PLOD1: variants seen among roughly 807,000 people sequenced by gnomAD.
PLOD1 encodes the protein lysine hydroxylase.
PLOD1 carries 70 observed loss-of-function variants against 94.7 expected under a neutral mutation model. The ratio of observed to expected loss-of-function variants is 0.74; its 90% CI spans 0.61 to 0.90. The LOEUF (loss-of-function observed/expected upper bound fraction) is 0.90, where lower values mean the gene tolerates loss of function less well. Among genes scored for constraint, PLOD1 ranks in the 40% least tolerant of loss-of-function variants. The pLI, the probability that PLOD1 is intolerant of heterozygous loss-of-function variation, is 0.00. For synonymous variants in PLOD1, 417 were observed against 400.2 expected (o/e 1.04, Z -0.50); for missense variants, 905 against 972.7 (o/e 0.93, Z 0.93).
intron 4 of PLOD1, 149 bp from the exon 5 acceptor site, chr1:11,952,474 T>A: frequency 1.4e-6 from 1 of 690,244 alleles, no homozygotes; most frequent in East Asian, 2.8e-5. Context: ...CAGCCCCACC[T>A]CCTGTCAATT....
At chr1:11,970,007 G>T (rs1281188256) in intron 16 of PLOD1, among the ~76,000 whole-genome samples, 1 of 151,634 alleles carries the variant, frequency 6.6e-6, no homozygotes, top group Admixed American at 6.6e-5. Flanking sequence ...TTGGGAGGCC[G>T]AGGTGGGCAG....
chr1:11,975,248 G>C lies in PLOD1; in HGVS notation c.*440G>C, dbSNP rs11553681. The C allele has an allele frequency of 0.023, 6,244 of 272,548 alleles. 228 individuals carry two copies. The highest frequency in any genetic ancestry group is 0.093 in the African/African-American group (4,243 of 45,578). 16.9% of individuals were successfully genotyped at this position (272,548 alleles called of 1,614,324 possible). On this transcript the variant is annotated 3_prime_UTR_variant, in exon 19 of 19. Coordinates refer to ENST00000196061, the MANE Select transcript of PLOD1 (RefSeq NM_000302.4). ...GTTGCACCAGGGACTTCTGCTTCAAGTTTTGGGGTAAAGACACCTGGATCA... is the reference window on the plus strand; with the variant it reads ...GTTGCACCAGGGACTTCTGCTTCAACTTTTGGGGTAAAGACACCTGGATCA...
intron 4 of PLOD1, among the ~76,000 whole-genome samples, chr1:11,952,214 C>A (rs769076717): frequency 1.3e-5 from 2 of 152,348 alleles, no homozygotes; most frequent in African/African-American, 2.4e-5. Flanking sequence ...GCCCCCAAGG[C>A]ACTCTGTGAG....
chr1:11,950,570 C>T, intron 4 of PLOD1, 50 bp downstream of exon 4: 3 of 1,573,302 alleles, frequency 1.9e-6, no homozygotes, highest in Non-Finnish European at 2.6e-6. Flanking sequence ...GGTCCATCTA[C>T]TGCCTTTGTG....
Position 11,972,705 on chromosome 1 carries a change from T to C in PLOD1, c.1903-167T>C. 2 of 653,124 alleles carry C rather than the reference T, an allele frequency of 3.1e-6. No homozygotes were observed. The highest frequency in any genetic ancestry group is 2.8e-5 in the East Asian group (1 of 35,716). 40.5% of individuals were successfully genotyped at this position (653,124 alleles called of 1,614,324 possible). On this transcript the variant is annotated intron_variant, in intron 17 of 18. Transcript: ENST00000196061. The surrounding 1 kb of genome is among the most constrained non-coding windows in gnomAD (Gnocchi z 4.6). ...ATACATTTTTGTTGAGAACCTTTTC[T>C]GTGCCAGGTAGTTGCAGGCACTCGA... is the stretch of plus-strand genomic sequence containing the variant.
At chr1:11,968,047 A>G (rs1373317753) in intron 16 of PLOD1, among the ~76,000 whole-genome samples, 1 of 151,298 alleles carries the variant, frequency 6.6e-6, no homozygotes, top group Non-Finnish European at 1.5e-5. Context: ...TTCCTTTCCC[A>G]AGTTCAAGCA....
At chr1:11,947,463 G>T (rs1251732591) in intron 1 of PLOD1, among the ~76,000 whole-genome samples, 2 of 151,836 alleles carry the variant, frequency 1.3e-5, no homozygotes, top group African/African-American at 4.8e-5. Context: ...CCAGCTACTT[G>T]GGAGGCTGAG....
chr1:11,948,610 A>T (rs1376661580), intron 2 of PLOD1, among the ~76,000 whole-genome samples: 5 of 152,056 alleles, frequency 3.3e-5, no homozygotes, highest in Non-Finnish European at 7.4e-5. Flanking sequence ...CGCACCTGTA[A>T]TCCCAGCTGC....
intron 1 of PLOD1, 31 bp downstream of exon 1, chr1:11,934,886 C>A: frequency 6.5e-7 from 1 of 1,529,414 alleles, no homozygotes; most frequent in South Asian, 1.2e-5. Flanking sequence ...GGCGGGAGCG[C>A]GGATCCGGGC....
intron 16 of PLOD1, among the ~76,000 whole-genome samples, chr1:11,968,636 C>G (rs1268158537): frequency 6.6e-5 from 10 of 150,742 alleles, no homozygotes; most frequent in African/African-American, 2.4e-4. Flanking sequence ...GCCTCAGCCT[C>G]CCGAGTAGCT....
chr1:11,934,899 G>A, intron 1 of PLOD1, 44 bp downstream of exon 1: 1 of 1,526,566 alleles, frequency 6.6e-7, no homozygotes, highest in Non-Finnish European at 8.8e-7. Flanking sequence ...ATCCGGGCGG[G>A]AGGGCTGGTG....
At chr1:11,964,893 G>A in intron 13 of PLOD1, 108 bp downstream of exon 13, 1 of 1,207,178 alleles carries the variant, frequency 8.3e-7, no homozygotes, top group Non-Finnish European at 1.2e-6. Context: ...GTAGGCCTGG[G>A]AGCTCCAGAG....
At chr1:11,945,141 C>T (rs959286734) in intron 1 of PLOD1, among the ~76,000 whole-genome samples, 1 of 152,128 alleles carries the variant, frequency 6.6e-6, no homozygotes, top group East Asian at 1.9e-4. Flanking sequence ...AGACACAGGC[C>T]GGGTGTGGTG....
intron 1 of PLOD1, among the ~76,000 whole-genome samples, chr1:11,942,663 C>T (rs1195371808): frequency 6.6e-6 from 1 of 152,182 alleles, no homozygotes; most frequent in Non-Finnish European, 1.5e-5. Context: ...CTTCAGTTCT[C>T]TTGTTGTGAA....
intron 2 of PLOD1, among the ~76,000 whole-genome samples, chr1:11,948,925 T>C (rs1645676858): frequency 6.6e-6 from 1 of 152,126 alleles, no homozygotes; most frequent in Non-Finnish European, 1.5e-5. Flanking sequence ...GAACATGTCA[T>C]TGCTTACACA....
rs758701213 is a variant in PLOD1, at chr1:11,965,587, C to A, written c.1578C>A (p.Asn526Lys). The A allele has an allele frequency of 2.5e-6, 4 of 1,605,774 alleles. No individual in the cohort carries two copies. Among genetic ancestry groups the A allele is most frequent in the Non-Finnish European group, 1.7e-6 (2 of 1,172,738 alleles). Reference sequence around the variant, plus strand: ...ACGACCTCTGGGAGGTGTTCAGCAACCCCGAGGTGAGGCCAGGGTGGGCAC... The same window carrying A: ...ACGACCTCTGGGAGGTGTTCAGCAAACCCGAGGTGAGGCCAGGGTGGGCAC... ...LHNDLWEVFSNPEDWKEKYIH... is the reference protein window; with the variant it reads ...LHNDLWEVFSKPEDWKEKYIH... The change falls in exon 14 of 19, where the codon AAC (asparagine) becomes AAA (lysine). Residue 526 changes from asparagine (N) to lysine (K), a missense_variant. Asn to Lys is a moderately conservative substitution (Grantham distance 94). Transcript: ENST00000196061.
intron 11 of PLOD1, 114 bp from the exon 12 acceptor site, chr1:11,964,061 T>C: frequency 9.1e-7 from 1 of 1,094,392 alleles, no homozygotes; most frequent in Non-Finnish European, 1.4e-6. Flanking sequence ...AGTGAGGTGC[T>C]TGGGGATCCC....
chr1:11,949,949 G>A, intron 3 of PLOD1, 43 bp downstream of exon 3: 4 of 1,602,400 alleles, frequency 2.5e-6, no homozygotes, highest in South Asian at 1.1e-5. Flanking sequence ...CTCCGCGGAA[G>A]ATAGAAGAAT....
In PLOD1 at chr1:11,958,646, A is replaced by T; in HGVS notation, c.974A>T (p.His325Leu). 1 of 1,613,972 alleles carries T rather than the reference A, an allele frequency of 6.2e-7. No homozygotes were observed. The highest frequency in any genetic ancestry group is 1.1e-5 in the South Asian group (1 of 91,064). ...CACATGCGACTTTTCATCCACAACC[A>T]CGTGAGTAACAGGCGCTCTGTGGGG... is the stretch of plus-strand genomic sequence containing the variant. ...QKHMRLFIHN[H>L]EQHHKAQVEE... Residue 325 changes from histidine to leucine, a missense_variant and splice_region_variant, in exon 9 of 19, where the codon CAC becomes CTC. Coordinates refer to ENST00000196061, the MANE Select transcript of PLOD1 (RefSeq NM_000302.4). The surrounding 1 kb of genome is among the most constrained non-coding windows in gnomAD (Gnocchi z 4.3).
Sources: allele counts gnomAD v4.1 joint callset (sites outside exome capture counted in the v4.1 genomes callset), GRCh38; gene constraint gnomAD v4.1.1; non-coding constraint Gnocchi (gnomAD v3.1); transcripts MANE v1.5; gene names NCBI Gene and HGNC (gene_info 2026-07-23, HGNC 2026-07-21).